Variants in FBXW4 observed in about 807,000 individuals in gnomAD.
FBXW4 encodes the protein F-box/WD repeat-containing protein 4.
In FBXW4, 40 loss-of-function variants were observed where a neutral mutation model predicts 61.8. That is an observed-to-expected ratio of 0.65 (90% CI 0.50 to 0.84). The LOEUF is 0.84. Among genes scored for constraint, FBXW4 ranks in the 40% least tolerant of loss-of-function variants. FBXW4 has a pLI of 0.00. For synonymous variants in FBXW4, 311 were observed against 313.8 expected (o/e 0.99, Z 0.10); for missense variants, 672 against 753.8 (o/e 0.89, Z 1.27).
chr10:101,615,167 C>T (rs1018663149), intron 6 of FBXW4, among the ~76,000 whole-genome samples: 2 of 152,160 alleles, frequency 1.3e-5, no homozygotes, highest in Non-Finnish European at 2.9e-5. Flanking sequence ...GAATGCTTCT[C>T]GGCCTCTCAC....
At chr10:101,683,155 C>T (rs377079260) in intron 1 of FBXW4, among the ~76,000 whole-genome samples, 2 of 152,366 alleles carry the variant, frequency 1.3e-5, no homozygotes, top group East Asian at 3.9e-4. Flanking sequence ...GCAGGTACCC[C>T]TTGGAATTCA....
At chr10:101,681,719 A>AATC (rs1386873947) in intron 1 of FBXW4, among the ~76,000 whole-genome samples, 41 of 18,486 alleles carry the variant, frequency 2.2e-3, no homozygotes, top group Non-Finnish European at 4.6e-3. Flanking sequence ...TCCGTCTCAA[A>AATC]ATAATAATAA....
intron 5 of FBXW4, among the ~76,000 whole-genome samples, chr10:101,630,090 G>A (rs531720642): frequency 2.6e-5 from 4 of 152,220 alleles, no homozygotes; most frequent in East Asian, 1.9e-4. Flanking sequence ...TCTTCAACCC[G>A]CATTGGCATT....
chr10:101,616,577 TGACA>T (rs1409297764), intron 6 of FBXW4, among the ~76,000 whole-genome samples: 8 of 152,230 alleles, frequency 5.3e-5, no homozygotes, highest in Non-Finnish European at 1.2e-4. Flanking sequence ...GATTCTTCAC[TGACA>T]GACAGGGCTG....
intron 5 of FBXW4, chr10:101,625,825 A>T (rs1447428664): frequency 6.6e-6 from 1 of 152,280 alleles, no homozygotes; most frequent in African/African-American, 2.4e-5. Flanking sequence ...GGGGGAAGGA[A>T]GACTGGACAT....
intron 5 of FBXW4, among the ~76,000 whole-genome samples, chr10:101,638,713 C>T (rs543856809): frequency 6.6e-6 from 1 of 152,266 alleles, no homozygotes; most frequent in South Asian, 2.1e-4. Context: ...ATATTAGTAG[C>T]ACACTGAATT....
rs766984798 is a variant in FBXW4 at position 101,694,515 on chromosome 10, G to A, written c.591C>T (p.Tyr197=). Residue 197 remains tyrosine, a synonymous_variant, in exon 1 of 9, where the codon TAC becomes TAT. Coordinates refer to ENST00000331272, the MANE Select transcript of FBXW4 (RefSeq NM_022039.4). The surrounding 1 kb of genome is among the most constrained non-coding windows in gnomAD (Gnocchi z 6.0). ...PEELLLLICS[Y]LDMRALGRLA... ...GGCGGCCGAGGGCCCGCATGTCCAG[G>A]TAGGAGCAGATGAGCAGCAGCAGCT... 3.3e-6 allele frequency: 5 copies of A among 1,516,074 alleles called. No homozygotes were observed. Among genetic ancestry groups the A allele is most frequent in the African/African-American group, 1.4e-5 (1 of 69,760 alleles). The allele number at this position is 1,516,074 out of a possible 1,614,324, so 93.9% of individuals were successfully genotyped here.
Position 101,624,787 on chromosome 10 carries a change from CA to C in FBXW4, c.1258del (p.Cys420ValfsTer8). 6.2e-7 allele frequency: 1 copy of C among 1,614,238 alleles called. No homozygotes were observed. Among genetic ancestry groups the C allele is most frequent in the South Asian group, 1.1e-5 (1 of 91,084 alleles). On this transcript the variant is annotated frameshift_variant, in exon 6 of 9. Transcript: ENST00000331272. LOFTEE classifies it high-confidence loss of function. ...TCTCAGGGGTGAGAAGTGCCCGCAA[CA>C]AGCCGTCCCTGTCACAAAAGAGCTG... ...LLSSFVTGTACCGHFSPLRIW... is the reference protein window; with the variant it reads ...LLSSFVTGTAXCGHFSPLRIW...
At chr10:101,639,503 C>T (rs376288847) in intron 5 of FBXW4, among the ~76,000 whole-genome samples, 1 of 152,312 alleles carries the variant, frequency 6.6e-6, no homozygotes, top group African/African-American at 2.4e-5. Context: ...TGGCCTTTAT[C>T]CAACTAGTAG....
chr10:101,670,945 CATAAA>C lies in FBXW4; in HGVS notation c.1140+1965_1140+1969del, dbSNP rs141919823. On this transcript the variant is annotated intron_variant, in intron 4 of 8. Transcript: ENST00000331272. ...GAGATTGTTTTACTTCCCTTTACCC[CATAAA>C]ATAAATCTCTTTCCTAAAATACAGT... Among the ~76,000 whole-genome samples, 1,343 of 152,254 alleles carry C rather than the reference CATAAA, an allele frequency of 8.8e-3. 66 individuals are homozygous for C. Among genetic ancestry groups the C allele is most frequent in the Admixed American group, 0.074 (1,127 of 15,284 alleles).
At chr10:101,653,957 C>T (rs2064164744) in intron 5 of FBXW4, among the ~76,000 whole-genome samples, 2 of 152,004 alleles carry the variant, frequency 1.3e-5, no homozygotes, top group South Asian at 4.2e-4. Context: ...CCCATCTCTA[C>T]TAAAAATGCA....
At chr10:101,640,719 A>G (rs967966286) in intron 5 of FBXW4, among the ~76,000 whole-genome samples, 22 of 150,620 alleles carry the variant, frequency 1.5e-4, no homozygotes, top group African/African-American at 4.9e-4. Flanking sequence ...AATGGTCTCA[A>G]ACTCCTGGCT....
chr10:101,673,777 C>T (rs1225286582), intron 2 of FBXW4, 104 bp from the exon 3 acceptor site: 1 of 1,073,946 alleles, frequency 9.3e-7, no homozygotes, highest in Non-Finnish European at 1.3e-6. Flanking sequence ...GTAAGGATAA[C>T]CAACAAGGCT....
rs1259762015 is a variant in FBXW4, at chr10:101,611,537, A to G, written c.1584+91T>C. The G allele has an allele frequency of 2.5e-6, 4 of 1,577,836 alleles. No individual in the cohort carries two copies. The highest frequency in any genetic ancestry group is 3.5e-6 in the Non-Finnish European group (4 of 1,158,390). ...TTGTAGGCTTCTTCCAACCCTTTCT[A>G]GGCACGTCCTTGGCTACCTCACCCT... is the stretch of plus-strand genomic sequence containing the variant. On this transcript the variant is annotated intron_variant, in intron 8 of 8. Coordinates refer to ENST00000331272, the MANE Select transcript of FBXW4 (RefSeq NM_022039.4). This position sits in a 1 kb window ranked among gnomAD's most constrained non-coding sequence, Gnocchi z 4.9.
intron 1 of FBXW4, among the ~76,000 whole-genome samples, chr10:101,677,302 A>C (rs1461314849): frequency 6.6e-6 from 1 of 152,220 alleles, no homozygotes; most frequent in African/African-American, 2.4e-5. Flanking sequence ...GGATAAACAC[A>C]CTAGGGTAGG....
chr10:101,694,797 C>G lies in FBXW4; in HGVS notation c.309G>C (p.Glu103Asp), dbSNP rs1165821873. The part of the protein sequence containing the change: ...EGARGIVKGV[E>D]GSAGAGKEAQ... ...CCTCCTTCCCGGCCCCTGCGCTCCC[C>G]TCGACTCCCTTGACGATGCCTCTCG... is the stretch of plus-strand genomic sequence containing the variant. The change falls in exon 1 of 9, where the codon GAG (glutamate) becomes GAC (aspartate). Residue 103 changes from glutamate (E) to aspartate (D), a missense_variant. Coordinates refer to ENST00000331272, the MANE Select transcript of FBXW4 (RefSeq NM_022039.4). This position sits in a 1 kb window ranked among gnomAD's most constrained non-coding sequence, Gnocchi z 6.0. The G allele has an allele frequency of 6.7e-6, 9 of 1,339,078 alleles. No homozygotes were observed. The highest frequency in any genetic ancestry group is 8.6e-6 in the Non-Finnish European group (9 of 1,051,498). The allele number at this position is 1,339,078 out of a possible 1,614,324, so 82.9% of individuals were successfully genotyped here.
At chr10:101,653,882 G>A (rs1460770639) in intron 5 of FBXW4, among the ~76,000 whole-genome samples, 1 of 152,044 alleles carries the variant, frequency 6.6e-6, no homozygotes, top group African/African-American at 2.4e-5. Context: ...CAGCACTTTA[G>A]GAGGCCAAGG....
At chr10:101,637,347 G>C (rs553285856) in intron 5 of FBXW4, among the ~76,000 whole-genome samples, 1 of 132,342 alleles carries the variant, frequency 7.6e-6, no homozygotes, top group Non-Finnish European at 1.6e-5. Flanking sequence ...AGCCGAGATC[G>C]TGCCACTGCA....
chr10:101,671,391 C>A (rs913258773), intron 4 of FBXW4, among the ~76,000 whole-genome samples: 1 of 152,166 alleles, frequency 6.6e-6, no homozygotes, highest in Non-Finnish European at 1.5e-5. Context: ...TATTTTAGAT[C>A]TTTTTAAAAA....
Sources: gnomAD v4.1 joint callset for allele counts (sites outside exome capture counted in the v4.1 genomes callset) on GRCh38, gnomAD v4.1.1 for gene constraint, Gnocchi (gnomAD v3.1) non-coding constraint, MANE v1.5 for transcripts, NCBI Gene and HGNC (gene_info 2026-07-23, HGNC 2026-07-21) for gene names.